The following TNRC6A variants were observed in gnomAD, a reference collection of about 807,000 sequenced individuals.
TNRC6A encodes the protein trinucleotide repeat containing adaptor 6A, also known as trinucleotide repeat-containing gene 6A protein.
A neutral mutation model predicts 221.2 loss-of-function variants in TNRC6A; 44 were observed. That is an observed-to-expected ratio of 0.20 (90% confidence interval 0.16 to 0.26). The LOEUF is 0.26. TNRC6A is among the 10% of genes least tolerant of loss of function. The pLI, the probability that TNRC6A is intolerant of heterozygous loss-of-function variation, is 1.00. For synonymous variants in TNRC6A, 847 were observed against 838.5 expected, an observed-to-expected ratio of 1.01 and a Z score of -0.18; for missense variants, 2,199 against 2,404.4, an observed-to-expected ratio of 0.91 and a Z score of 1.79.
At chr16:24,771,931 T>TA (rs1193867886) in intron 4 of TNRC6A, among the ~76,000 whole-genome samples, 8 of 152,256 alleles carry the variant, frequency 5.3e-5, no homozygotes, top group Non-Finnish European at 7.3e-5. Flanking sequence ...TATGCAGTGT[T>TA]ACGAAATATA....
At chr16:24,643,091 A>C (rs1198720545) in intron 2 of TNRC6A, among the ~76,000 whole-genome samples, 1 of 136,162 alleles carries the variant, frequency 7.3e-6, no homozygotes, top group East Asian at 2.1e-4. Flanking sequence ...ATATATATAT[A>C]TTTTATATAT....
intron 2 of TNRC6A, among the ~76,000 whole-genome samples, chr16:24,672,233 T>C (rs1567343512): frequency 6.6e-6 from 1 of 150,426 alleles, no homozygotes; most frequent in Non-Finnish European, 1.5e-5. Context: ...GCCATTCTGC[T>C]GCCTCAGCCT....
chr16:24,820,099 C>T (rs2058737109), intron 21 of TNRC6A, 40 bp from the exon 22 acceptor site: 2 of 1,555,322 alleles, frequency 1.3e-6, no homozygotes, highest in Non-Finnish European at 8.9e-7. Context: ...CTTTCTTAAA[C>T]ATTATTCCTC....
intron 2 of TNRC6A, among the ~76,000 whole-genome samples, chr16:24,693,543 G>A (rs575867833): frequency 5.3e-5 from 8 of 152,062 alleles, no homozygotes; most frequent in South Asian, 4.2e-4. Flanking sequence ...AGCCGAGATC[G>A]CGCCACTGCA....
intron 5 of TNRC6A, among the ~76,000 whole-genome samples, chr16:24,785,191 A>T (rs1382562001): frequency 2.0e-5 from 3 of 152,178 alleles, no homozygotes; most frequent in South Asian, 4.1e-4. Flanking sequence ...CTATTTCCTG[A>T]TAATGCAGAT....
At chr16:24,660,445 C>CATAT (rs56962784) in intron 2 of TNRC6A, among the ~76,000 whole-genome samples, 2,232 of 151,314 alleles carry the variant, frequency 0.015, 49 homozygotes, top group African/African-American at 0.044. Context: ...TTCCATCATT[C>CATAT]ATATATATAT....
rs1362463970 is a variant in TNRC6A, at chr16:24,824,134, C to G, written c.*327C>G. 7.5e-6 allele frequency: 1 copy of G among 133,462 alleles called. No homozygotes were observed. Among genetic ancestry groups the G allele is most frequent in the East Asian group, 1.6e-4 (1 of 6,072 alleles). The allele number at this position is 133,462 out of a possible 1,614,324, so 8.3% of individuals were successfully genotyped here. On this transcript the variant is annotated 3_prime_UTR_variant, in exon 25 of 25. Coordinates refer to ENST00000395799, the MANE Select transcript of TNRC6A (RefSeq NM_014494.4). ...CCTTCTATTCCTCCCCAACCCCCCCCCCCGCCCCTTTTTTTCTCTCTTGCA... is the reference window on the plus strand; with the variant it reads ...CCTTCTATTCCTCCCCAACCCCCCCGCCCGCCCCTTTTTTTCTCTCTTGCA...
At chr16:24,776,691 G>A in intron 4 of TNRC6A, 1 of 985,428 alleles carries the variant, frequency 1.0e-6, no homozygotes, top group African/African-American at 1.7e-5. Context: ...AACATGAGTT[G>A]TTGTCTTGGC....
chr16:24,806,329 AC>A (rs1567506492), intron 16 of TNRC6A, 46 bp downstream of exon 16: 21 of 1,601,722 alleles, frequency 1.3e-5, no homozygotes, highest in Non-Finnish European at 1.8e-5. Flanking sequence ...GTGTTAATAA[AC>A]TCTGCTTATC....
chr16:24,671,073 C>A, intron 2 of TNRC6A: 1 of 313,512 alleles, frequency 3.2e-6, no homozygotes, highest in Admixed American at 3.4e-5. Context: ...GCAGCAGCTG[C>A]CGCACCGACA....
At chr16:24,656,292 G>A (rs1313189704) in intron 2 of TNRC6A, among the ~76,000 whole-genome samples, 4 of 151,478 alleles carry the variant, frequency 2.6e-5, no homozygotes, top group South Asian at 2.1e-4. Context: ...GCAAAACCCC[G>A]TCTCTACTAA....
At chr16:24,658,764 T>G (rs1043826888) in intron 2 of TNRC6A, among the ~76,000 whole-genome samples, 2 of 152,130 alleles carry the variant, frequency 1.3e-5, no homozygotes, top group African/African-American at 4.8e-5. Flanking sequence ...CCAAAGAGTT[T>G]GCTCTTACAT....
chr16:24,724,474 G>T (rs921613131), intron 2 of TNRC6A, among the ~76,000 whole-genome samples: 4 of 152,084 alleles, frequency 2.6e-5, no homozygotes, highest in African/African-American at 9.7e-5. Context: ...GGCTGTGCGT[G>T]GTGGCTCACA....
intron 5 of TNRC6A, among the ~76,000 whole-genome samples, chr16:24,785,954 A>G (rs2057956930): frequency 6.6e-6 from 1 of 152,240 alleles, no homozygotes; most frequent in Non-Finnish European, 1.5e-5. Context: ...AGGGAGGAAT[A>G]AAAGATAAAT....
At chr16:24,728,972 T>C (rs1356991610), upstream of TNRC6A, among the ~76,000 whole-genome samples, 2 of 152,126 alleles carry the variant, frequency 1.3e-5, no homozygotes, top group Non-Finnish European at 2.9e-5. Context: ...AGCCATCTAG[T>C]AGCGCTGGAC....
intron 1 of TNRC6A, among the ~76,000 whole-genome samples, chr16:24,640,482 C>A (rs191695517): frequency 6.6e-5 from 10 of 151,710 alleles, no homozygotes; most frequent in Non-Finnish European, 8.8e-5. Context: ...AATCCCAGCA[C>A]TTTGGGAAGC....
At chr16:24,651,580 T>C (rs1199134988) in intron 2 of TNRC6A, among the ~76,000 whole-genome samples, 1 of 137,458 alleles carries the variant, frequency 7.3e-6, no homozygotes, top group Non-Finnish European at 1.6e-5. Flanking sequence ...AATAGACACA[T>C]TGGCACGGTG....
chr16:24,795,124 T>C (rs894105506), intron 8 of TNRC6A, among the ~76,000 whole-genome samples: 1 of 152,158 alleles, frequency 6.6e-6, no homozygotes, highest in African/African-American at 2.4e-5. Flanking sequence ...CCATCCTCCT[T>C]ATTCACCTGT....
At chr16:24,783,148 T>C (rs546557184) in intron 5 of TNRC6A, among the ~76,000 whole-genome samples, 1 of 152,198 alleles carries the variant, frequency 6.6e-6, no homozygotes, top group South Asian at 2.1e-4. Context: ...CTTTTTTTTT[T>C]CAAACAGTCT....
Sources: allele counts gnomAD v4.1 joint callset (sites outside exome capture counted in the v4.1 genomes callset), GRCh38; gene constraint gnomAD v4.1.1; transcripts MANE v1.5; gene names NCBI Gene and HGNC (gene_info 2026-07-23, HGNC 2026-07-21).